Variants in APC observed in about 807,000 individuals in gnomAD.
The protein encoded by APC is adenomatous polyposis coli protein.
In APC, 72 loss-of-function variants were observed where a neutral mutation model predicts 247.0. The observed-to-expected ratio is 0.29, with a 90% CI of 0.24 to 0.35. APC has a LOEUF of 0.35. Among genes scored for constraint, APC ranks in the 10% least tolerant of loss-of-function variants. The pLI, the probability that APC is intolerant of heterozygous loss-of-function variation, is 1.00. For synonymous variants in APC, 1,254 were observed against 1,162.5 expected (o/e 1.08, Z -1.60); for missense variants, 3,400 against 3,360.7 (o/e 1.01, Z -0.29).
At position 112,843,876 on chromosome 5, in the gene APC, C is replaced by A. The variant is rs757874563; in HGVS notation, c.8282C>A (p.Pro2761Gln). ...TNESSIVERT[P>Q]FSSSSSSKHS... Reference sequence around the variant, plus strand: ...GAAAGTTCTATAGTGGAACGTACCCCATTCAGTTCTAGCAGCTCAAGCAAA... The same window carrying A: ...GAAAGTTCTATAGTGGAACGTACCCAATTCAGTTCTAGCAGCTCAAGCAAA... Residue 2761 changes from proline (P) to glutamine (Q), a missense_variant, in exon 16 of 16, where the codon CCA (proline) becomes CAA (glutamine). Coordinates refer to ENST00000257430, the MANE Select transcript of APC (RefSeq NM_000038.6). The surrounding 1 kb of genome is among the most constrained non-coding windows in gnomAD (Gnocchi z 4.8). 1.2e-6 allele frequency: 2 copies of A among 1,614,026 alleles called. No homozygotes were observed. The highest frequency in any genetic ancestry group is 1.7e-6 in the Non-Finnish European group (2 of 1,179,896).
At chr5:112,747,147 G>A (rs907912071) in intron 1 of APC, among the ~76,000 whole-genome samples, 1 of 152,150 alleles carries the variant, frequency 6.6e-6, no homozygotes, top group African/African-American at 2.4e-5. Flanking sequence ...TATTCGATGT[G>A]GGGTGGTGGT....
chr5:112,724,466 G>C (rs987745818), intron 1 of APC, among the ~76,000 whole-genome samples: 4 of 152,122 alleles, frequency 2.6e-5, no homozygotes, highest in African/African-American at 7.2e-5. Flanking sequence ...CGCAATACTA[G>C]AATACATTTG....
At chr5:112,822,025 A>G (rs913313863) in intron 11 of APC, 34 bp downstream of exon 11, 1 of 1,324,134 alleles carries the variant, frequency 7.6e-7, no homozygotes, top group Non-Finnish European at 1.1e-6. Context: ...GACATAGACA[A>G]TTACTGGTGG....
rs149328018 is a variant in APC at position 112,842,203 on chromosome 5, T to G, written c.6609T>G (p.Val2203=). ...ATAAAAGTTTGATTACTGGAAAAGT[T>G]CGATCTAATTCAGAAATTTCAGGCC... The part of the protein sequence containing the change: ...KVYKSLITGK[V]RSNSEISGQM... Residue 2203 remains valine (V), a synonymous_variant, in exon 16 of 16, where the codon GTT becomes GTG. Transcript: ENST00000257430. 2 of 1,613,476 alleles carry G rather than the reference T, an allele frequency of 1.2e-6. No homozygotes were observed. The highest frequency in any genetic ancestry group is 2.2e-5 in the South Asian group (2 of 91,050).
chr5:112,818,088 A>G (rs1220262222), intron 9 of APC, among the ~76,000 whole-genome samples: 2 of 152,206 alleles, frequency 1.3e-5, no homozygotes, highest in African/African-American at 2.4e-5. Context: ...CCATCCTACA[A>G]TTGTGACAAC....
chr5:112,803,215 A>G (rs535032070), intron 8 of APC, among the ~76,000 whole-genome samples: 2 of 152,294 alleles, frequency 1.3e-5, no homozygotes, highest in East Asian at 3.9e-4. Context: ...AATTTTGTCA[A>G]ATGCATCTAG....
chr5:112,767,465 T>G (rs112114081), intron 4 of APC, 75 bp downstream of exon 4: 89 of 1,253,876 alleles, frequency 7.1e-5, no homozygotes, highest in Non-Finnish European at 3.5e-5. Context: ...AATATTTAAA[T>G]TGTGAATTTA....
intron 8 of APC, chr5:112,810,298 G>A: frequency 3.1e-6 from 1 of 323,608 alleles, no homozygotes; most frequent in Non-Finnish European, 6.1e-6. Context: ...AGGTGGCGAT[G>A]GATATATACG....
At chr5:112,802,057 TTTCTTCAATGAATA>T (rs913722225) in intron 8 of APC, among the ~76,000 whole-genome samples, 1 of 152,134 alleles carries the variant, frequency 6.6e-6, no homozygotes, top group Non-Finnish European at 1.5e-5. Context: ...TTCTCCAAAT[TTTCTTCAATGAATA>T]TTTTTAGAGT....
chr5:112,712,433 CTGGCATGTAG>C (rs1750908218), intron 1 of APC, among the ~76,000 whole-genome samples: 1 of 152,182 alleles, frequency 6.6e-6, no homozygotes, highest in African/African-American at 2.4e-5. Context: ...GCCACCCAGA[CTGGCATGTAG>C]TGGCATAATC....
At chr5:112,824,442 A>AT (rs1245975382) in intron 11 of APC, among the ~76,000 whole-genome samples, 1 of 152,138 alleles carries the variant, frequency 6.6e-6, no homozygotes, top group Non-Finnish European at 1.5e-5. Context: ...GATAGTCTAA[A>AT]TTTTTTTGAA....
At chr5:112,731,181 T>C (rs566855010) in intron 1 of APC, among the ~76,000 whole-genome samples, 1 of 152,344 alleles carries the variant, frequency 6.6e-6, no homozygotes, top group East Asian at 1.9e-4. Flanking sequence ...ATTTCAGTAG[T>C]ACAAGTAATG....
chr5:112,771,867 G>C (rs1757089394), intron 4 of APC, among the ~76,000 whole-genome samples: 1 of 152,072 alleles, frequency 6.6e-6, no homozygotes, highest in African/African-American at 2.4e-5. Context: ...ATAAATGCTA[G>C]AAGTTGGTTA....
intron 1 of APC, among the ~76,000 whole-genome samples, chr5:112,720,828 C>T (rs1439431226): frequency 1.3e-5 from 2 of 152,126 alleles, no homozygotes; most frequent in Non-Finnish European, 2.9e-5. Flanking sequence ...TTCCCCCTTT[C>T]CTCTATAATA....
chr5:112,716,226 A>G (rs1353386722), intron 1 of APC, among the ~76,000 whole-genome samples: 1 of 152,042 alleles, frequency 6.6e-6, no homozygotes, highest in African/African-American at 2.4e-5. Context: ...TCTAAGCGCC[A>G]TTTTAGCTAG....
At chr5:112,778,786 A>C (rs1221179886) in intron 5 of APC, among the ~76,000 whole-genome samples, 1 of 152,116 alleles carries the variant, frequency 6.6e-6, no homozygotes, top group Non-Finnish European at 1.5e-5. Flanking sequence ...CTCGTGATCC[A>C]CCCACCTTGG....
At chr5:112,827,802 A>G (rs1391497516) in intron 12 of APC, 127 bp from the exon 13 acceptor site, 6 of 727,674 alleles carry the variant, frequency 8.2e-6, no homozygotes, top group East Asian at 5.4e-5. Flanking sequence ...TAGATTTTTT[A>G]TGAGTGAAGT....
chr5:112,834,936 T>C lies in APC; in HGVS notation c.1744-15T>C. The C allele has an allele frequency of 1.2e-6, 2 of 1,610,042 alleles. No individual in the cohort carries two copies. The highest frequency in any genetic ancestry group is 1.7e-6 in the Non-Finnish European group (2 of 1,176,310). Reference sequence around the variant, plus strand: ...CCAACTCTAATTAGATGACCCATATTCTGTTTCTTACTAGGAATCAACCCT... The same window carrying C: ...CCAACTCTAATTAGATGACCCATATCCTGTTTCTTACTAGGAATCAACCCT... On this transcript the variant is annotated splice_polypyrimidine_tract_variant and intron_variant, in intron 14 of 15. Transcript: ENST00000257430.
chr5:112,737,729 C>T (rs961460476), upstream of APC: 25 of 611,194 alleles, frequency 4.1e-5, no homozygotes, highest in Admixed American at 6.3e-5. Context: ...TGCCCCACTG[C>T]GGAGTGCGGG....
Sources: allele counts gnomAD v4.1 joint callset (sites outside exome capture counted in the v4.1 genomes callset), GRCh38; gene constraint gnomAD v4.1.1; non-coding constraint Gnocchi (gnomAD v3.1); transcripts MANE v1.5; gene names NCBI Gene and HGNC (gene_info 2026-07-23, HGNC 2026-07-21).